Variants in SCAMP1 observed in about 807,000 individuals in gnomAD.
The protein encoded by SCAMP1 is secretory carrier membrane protein 1, also known as secretory carrier-associated membrane protein 1.
A neutral mutation model predicts 41.8 loss-of-function variants in SCAMP1; 15 were observed. That is an observed-to-expected ratio of 0.36 (90% CI 0.24 to 0.55). The LOEUF (loss-of-function observed/expected upper bound fraction) is 0.55, where lower values mean the gene tolerates loss of function less well. Ranked by LOEUF, SCAMP1 falls within the 20% of genes least tolerant of loss-of-function variation. The pLI is 0.86. For synonymous variants in SCAMP1, 135 were observed against 136.8 expected (o/e 0.99, Z 0.09); for missense variants, 341 against 412.6 (o/e 0.83, Z 1.50).
intron 6 of SCAMP1, among the ~76,000 whole-genome samples, chr5:78,437,979 T>C (rs1237846436): frequency 6.6e-6 from 1 of 152,226 alleles, no homozygotes; most frequent in East Asian, 1.9e-4. Context: ...CTGTTTTTTC[T>C]AGATTTTCCA....
At chr5:78,451,126 T>C (rs777062278) in intron 7 of SCAMP1, among the ~76,000 whole-genome samples, 5 of 152,282 alleles carry the variant, frequency 3.3e-5, no homozygotes, top group Non-Finnish European at 5.9e-5. Flanking sequence ...ATAGGGAAAA[T>C]GCTAAAATTG....
intron 8 of SCAMP1, among the ~76,000 whole-genome samples, chr5:78,469,446 C>G (rs1463522768): frequency 6.6e-6 from 1 of 151,674 alleles, no homozygotes; most frequent in African/African-American, 2.4e-5. Context: ...TATATTCTGT[C>G]CTCGGCTGAT....
At chr5:78,364,628 A>G (rs7703407) in intron 1 of SCAMP1, among the ~76,000 whole-genome samples, 1 of 151,766 alleles carries the variant, frequency 6.6e-6, no homozygotes, top group Non-Finnish European at 1.5e-5. Context: ...TTTGATACCA[A>G]AATTCTTGTT....
chr5:78,451,205 AC>A (rs1753217256), intron 7 of SCAMP1, among the ~76,000 whole-genome samples: 1 of 152,156 alleles, frequency 6.6e-6, no homozygotes, highest in African/African-American at 2.4e-5. Flanking sequence ...TACAGAATTG[AC>A]CTGTTTTAAG....
chr5:78,369,476 A>G (rs1750887882), intron 1 of SCAMP1, among the ~76,000 whole-genome samples: 1 of 152,184 alleles, frequency 6.6e-6, no homozygotes, highest in Admixed American at 6.5e-5. Context: ...CAAGACAATT[A>G]CAGTAGTAAC....
chr5:78,365,765 C>T (rs1212455211), intron 1 of SCAMP1, among the ~76,000 whole-genome samples: 1 of 152,100 alleles, frequency 6.6e-6, no homozygotes, highest in Admixed American at 6.6e-5. Context: ...GTTTTGGCCT[C>T]AAAAATTAAT....
At chr5:78,372,896 TTTTC>T (rs1750974541) in intron 1 of SCAMP1, among the ~76,000 whole-genome samples, 1 of 146,482 alleles carries the variant, frequency 6.8e-6, no homozygotes, top group Non-Finnish European at 1.5e-5. Flanking sequence ...TTATTATTTA[TTTTC>T]TTTATCTGTT....
intron 8 of SCAMP1, among the ~76,000 whole-genome samples, chr5:78,462,127 A>G (rs1350353166): frequency 2.0e-5 from 3 of 151,688 alleles, no homozygotes; most frequent in Non-Finnish European, 4.4e-5. Flanking sequence ...TTCTTTCATC[A>G]GTGATTTGCA....
At chr5:78,459,185 T>C (rs1427883882) in intron 7 of SCAMP1, 60 bp from the exon 8 acceptor site, 1 of 775,920 alleles carries the variant, frequency 1.3e-6, no homozygotes, top group Non-Finnish European at 2.3e-6. Context: ...TTAGATATTA[T>C]GCTATTTTTA....
At chr5:78,376,361 A>T (rs1751065306) in intron 1 of SCAMP1, among the ~76,000 whole-genome samples, 1 of 152,230 alleles carries the variant, frequency 6.6e-6, no homozygotes, top group Admixed American at 6.5e-5. Flanking sequence ...TAAGAGCTAC[A>T]TGTGGCTGGT....
chr5:78,432,670 T>C (rs1170209486), intron 6 of SCAMP1, among the ~76,000 whole-genome samples: 1 of 151,972 alleles, frequency 6.6e-6, no homozygotes, highest in Non-Finnish European at 1.5e-5. Flanking sequence ...TGTTTGAATA[T>C]GATGTGTTAA....
intron 8 of SCAMP1, among the ~76,000 whole-genome samples, chr5:78,474,811 C>T (rs1561292701): frequency 6.6e-6 from 1 of 152,146 alleles, no homozygotes; most frequent in African/African-American, 2.4e-5. Context: ...TTGATGGACT[C>T]ATAGTTTAAT....
At chr5:78,449,846 G>A in intron 6 of SCAMP1, 87 bp from the exon 7 acceptor site, 5 of 748,004 alleles carry the variant, frequency 6.7e-6, no homozygotes, top group Non-Finnish European at 1.1e-5. Context: ...GCAGGTAAAT[G>A]TAAAGATAAT....
At chr5:78,454,214 A>C (rs1238485831) in intron 7 of SCAMP1, among the ~76,000 whole-genome samples, 1 of 151,852 alleles carries the variant, frequency 6.6e-6, no homozygotes, top group Non-Finnish European at 1.5e-5. Flanking sequence ...AACTTCCAAC[A>C]CTATGTTGAA....
intron 2 of SCAMP1, among the ~76,000 whole-genome samples, chr5:78,404,097 C>G (rs929900806): frequency 3.2e-5 from 4 of 126,040 alleles, no homozygotes; most frequent in African/African-American, 1.2e-4. Flanking sequence ...ACCTGAGTGA[C>G]AAAGTGAGAC....
chr5:78,433,553 T>C (rs372628343), intron 6 of SCAMP1, among the ~76,000 whole-genome samples: 2 of 152,174 alleles, frequency 1.3e-5, no homozygotes, highest in African/African-American at 4.8e-5. Flanking sequence ...TCACCATGAC[T>C]GCCCTCAGTA....
chr5:78,360,765 G>T (rs919870878), intron 1 of SCAMP1, 37 bp downstream of exon 1: 1 of 1,579,718 alleles, frequency 6.3e-7, no homozygotes, highest in Non-Finnish European at 8.6e-7. Flanking sequence ...CCGCCGCGAC[G>T]CGTCGTTGTT....
At chr5:78,453,156 G>A (rs1450879198) in intron 7 of SCAMP1, among the ~76,000 whole-genome samples, 1 of 151,310 alleles carries the variant, frequency 6.6e-6, no homozygotes, top group Non-Finnish European at 1.5e-5. Context: ...TGTGATGGTA[G>A]TTTCTTTTGC....
intron 1 of SCAMP1, among the ~76,000 whole-genome samples, chr5:78,367,474 G>A (rs755072462): frequency 2.6e-5 from 4 of 152,164 alleles, no homozygotes; most frequent in Admixed American, 6.5e-5. Context: ...ACAGCAATTA[G>A]CTGTCTTTCA....
Sources: gnomAD v4.1 joint callset for allele counts (sites outside exome capture counted in the v4.1 genomes callset) on GRCh38, gnomAD v4.1.1 for gene constraint, MANE v1.5 for transcripts, NCBI Gene and HGNC (gene_info 2026-07-23, HGNC 2026-07-21) for gene names.